The following PTPN3 variants were observed in gnomAD, a reference collection of about 807,000 sequenced individuals.
The protein encoded by PTPN3 is protein tyrosine phosphatase non-receptor type 3.
Under a neutral mutation model 132.7 loss-of-function variants are expected in PTPN3, and 96 were observed. That is an observed-to-expected ratio of 0.72 (90% confidence interval 0.61 to 0.86). The LOEUF (loss-of-function observed/expected upper bound fraction) is 0.86, where lower values mean the gene tolerates loss of function less well. Ranked by LOEUF, PTPN3 falls within the 40% of genes least tolerant of loss-of-function variation. The pLI is 0.00. For missense variants in PTPN3, 1,125 were observed against 1,159.6 expected, an observed-to-expected ratio of 0.97 and a Z score of 0.43; for synonymous variants, 398 against 429.0, an observed-to-expected ratio of 0.93 and a Z score of 0.89.
At chr9:109,531,384 A>G in the PTPN3 span, among the ~76,000 whole-genome samples, 2 of 152,200 alleles carry the variant, frequency 1.3e-5, no homozygotes, top group Non-Finnish European at 2.9e-5. Context: ...AAGGTCAGAA[A>G]TCTGGATGGC....
rs530550600 is a variant in PTPN3, at chr9:109,380,213, A to AAATC, written c.2665-584_2665-581dup. Among the ~76,000 whole-genome samples, 175 of 131,024 alleles carry AAATC rather than the reference A, an allele frequency of 1.3e-3. 1 individual carries two copies. The highest frequency in any genetic ancestry group is 3.6e-3 in the African/African-American group (126 of 34,662). 86.0% of individuals were successfully genotyped at this position (131,024 alleles called of 152,430 possible). A position where few individuals can be genotyped will look rare whatever the true frequency, so the allele number is the denominator to read the frequency against. On this transcript the variant is annotated intron_variant, in intron 25 of 25. Coordinates refer to ENST00000374541, the MANE Select transcript of PTPN3 (RefSeq NM_002829.4). ...TTAGACTGAGCTTCTCCAGCTAGGA[A>AAATC]AATCTATCTATCTATCTATCTATCT... is the stretch of plus-strand genomic sequence containing the variant.
chr9:109,428,923 A>ACAAG (rs2131884758), intron 10 of PTPN3: 1 of 985,422 alleles, frequency 1.0e-6, no homozygotes, highest in African/African-American at 1.7e-5. Context: ...CTTTTAAATA[A>ACAAG]CAAGAAACAT....
the PTPN3 span, among the ~76,000 whole-genome samples, chr9:109,519,453 G>A: frequency 3.3e-5 from 5 of 152,288 alleles, no homozygotes; most frequent in East Asian, 1.9e-4. Flanking sequence ...TGATGGGTTC[G>A]CTGGGATGTA....
intron 10 of PTPN3, among the ~76,000 whole-genome samples, chr9:109,432,868 TG>T (rs1843762060): frequency 6.6e-6 from 1 of 152,208 alleles, no homozygotes; most frequent in South Asian, 2.1e-4. Flanking sequence ...CAGGGTGAGT[TG>T]GGGGAAGGGA....
chr9:109,409,924 T>C, intron 16 of PTPN3, 75 bp downstream of exon 16: 5 of 1,559,592 alleles, frequency 3.2e-6, no homozygotes, highest in South Asian at 1.2e-5. Context: ...ATGCAGCACA[T>C]TTGTAATGCA....
chr9:109,405,650 C>T (rs950801563), intron 18 of PTPN3, among the ~76,000 whole-genome samples: 3 of 152,300 alleles, frequency 2.0e-5, no homozygotes, highest in Admixed American at 1.3e-4. Context: ...AGTGTAGTGG[C>T]ACAGTCTTAG....
intron 11 of PTPN3, among the ~76,000 whole-genome samples, chr9:109,427,979 A>G (rs573627573): frequency 6.6e-6 from 1 of 152,222 alleles, no homozygotes; most frequent in East Asian, 1.9e-4. Flanking sequence ...TCTAAGTTCT[A>G]CATCTCTGTA....
chr9:109,436,828 C>A, intron 9 of PTPN3, 55 bp downstream of exon 9: 1 of 1,558,954 alleles, frequency 6.4e-7, no homozygotes, highest in Non-Finnish European at 8.7e-7. Context: ...TTCAAACTCT[C>A]AGAGATTAAA....
intron 19 of PTPN3, among the ~76,000 whole-genome samples, chr9:109,399,823 C>T (rs894778141): frequency 1.2e-4 from 18 of 152,110 alleles, no homozygotes; most frequent in African/African-American, 4.3e-4. Flanking sequence ...CTACTCCTGT[C>T]CAGTGTACAC....
At chr9:109,453,823 G>C (rs1260857743) in intron 5 of PTPN3, among the ~76,000 whole-genome samples, 1 of 145,992 alleles carries the variant, frequency 6.8e-6, no homozygotes, top group South Asian at 2.2e-4. Flanking sequence ...CAGCCTGGAC[G>C]ACATGGAAAC....
At chr9:109,466,501 A>G (rs920950771) in intron 1 of PTPN3, among the ~76,000 whole-genome samples, 1 of 152,220 alleles carries the variant, frequency 6.6e-6, no homozygotes, top group Non-Finnish European at 1.5e-5. Flanking sequence ...AAGAAAAGAA[A>G]GAAGGAATGC....
At chr9:109,382,276 A>G (rs1839168252) in intron 24 of PTPN3, 26 bp downstream of exon 24, 1 of 1,610,796 alleles carries the variant, frequency 6.2e-7, no homozygotes, top group Non-Finnish European at 8.5e-7. Context: ...AGGATTCCAA[A>G]CCTAACAAAA....
intron 5 of PTPN3, among the ~76,000 whole-genome samples, chr9:109,451,552 A>T (rs942650563): frequency 6.6e-6 from 1 of 152,156 alleles, no homozygotes; most frequent in Admixed American, 6.5e-5. Flanking sequence ...TTTTCCCATG[A>T]CTACTCTTCG....
chr9:109,456,647 T>A (rs1368788995), intron 4 of PTPN3, among the ~76,000 whole-genome samples: 3 of 152,144 alleles, frequency 2.0e-5, no homozygotes, highest in Admixed American at 2.0e-4. Flanking sequence ...GAGGGTGGAC[T>A]ATGGTGTGGC....
At chr9:109,435,195 G>T (rs1843949582) in intron 9 of PTPN3, among the ~76,000 whole-genome samples, 1 of 152,086 alleles carries the variant, frequency 6.6e-6, no homozygotes, top group South Asian at 2.1e-4. Flanking sequence ...CTAATCCTGT[G>T]GTCTTTCAGT....
At position 109,445,246 on chromosome 9, in the gene PTPN3, C is replaced by T. The variant is rs138810032; in HGVS notation, c.460G>A (p.Val154Ile). The T allele has an allele frequency of 2.8e-4, 446 of 1,613,042 alleles. 3 individuals carry two copies. The highest frequency in any genetic ancestry group is 1.9e-3 in the South Asian group (176 of 91,046). Residue 154 changes from valine (V) to isoleucine (I), a missense_variant, in exon 7 of 26, where the codon GTA becomes ATA. By Grantham distance (29) the Val-to-Ile change is conservative. Coordinates refer to ENST00000374541, the MANE Select transcript of PTPN3 (RefSeq NM_002829.4). Reference protein sequence around the residue: ...NSAVVLASYAVQSHFGDYNSS... With the variant: ...NSAVVLASYAIQSHFGDYNSS... ...TGCTCCCTTTGTGACTTACATTGTA[C>T]GGCATAGGACGCTAGAACCACTGCT...
chr9:109,502,067 T>C (rs1847869845), upstream of PTPN3, among the ~76,000 whole-genome samples: 1 of 152,184 alleles, frequency 6.6e-6, no homozygotes, highest in Non-Finnish European at 1.5e-5. Context: ...GAGAGTAAGA[T>C]ACGCTACAAA....
intron 14 of PTPN3, among the ~76,000 whole-genome samples, chr9:109,418,055 C>G (rs1414888366): frequency 6.6e-6 from 1 of 152,104 alleles, no homozygotes; most frequent in Non-Finnish European, 1.5e-5. Context: ...CTGTATTGGA[C>G]TATGAAGGTC....
rs928468518 is a variant in PTPN3 at position 109,430,194 on chromosome 9, G to A, written c.765-1510C>T. Among the ~76,000 whole-genome samples, 6 of 152,228 alleles carry A rather than the reference G, an allele frequency of 3.9e-5. No homozygotes were observed. In the South Asian group the frequency reaches 1.0e-3, roughly 26 times the overall value. On this transcript the variant is annotated intron_variant, in intron 10 of 25. Transcript: ENST00000374541. The stretch of plus-strand genomic sequence containing the variant: ...CCTGAAGTCGGGGGAGTCTCCTCAC[G>A]ATTCTCCTGTGCCAACTGGCAGATG...
Sources: allele counts gnomAD v4.1 joint callset (sites outside exome capture counted in the v4.1 genomes callset), GRCh38; gene constraint gnomAD v4.1.1; transcripts MANE v1.5; gene names NCBI Gene and HGNC (gene_info 2026-07-23, HGNC 2026-07-21).